Variants in SLC16A10 observed in about 807,000 individuals in gnomAD.
The protein encoded by SLC16A10 is solute carrier family 16 member 10.
In SLC16A10, 27 loss-of-function variants were observed where a neutral mutation model predicts 40.0. That is an observed-to-expected ratio of 0.67 (90% confidence interval 0.50 to 0.93). The LOEUF (loss-of-function observed/expected upper bound fraction) is 0.93. Ranked by LOEUF, SLC16A10 falls within the 40% of genes least tolerant of loss-of-function variation. The probability of loss-of-function intolerance (pLI) is 0.00; values close to 1 mark genes in which losing one functional copy is unlikely to be tolerated. For synonymous variants in SLC16A10, 213 were observed against 249.8 expected (o/e 0.85, Z 1.39); for missense variants, 529 against 658.2 (o/e 0.80, Z 2.15).
At chr6:111,207,471 T>G (rs1030302287) in intron 4 of SLC16A10, among the ~76,000 whole-genome samples, 3 of 152,200 alleles carry the variant, frequency 2.0e-5, no homozygotes, top group Non-Finnish European at 4.4e-5. Flanking sequence ...AGAACAGGTA[T>G]TGAAGTGACT....
chr6:111,090,266 A>T lies in SLC16A10; in HGVS notation c.343+2171A>T, dbSNP rs182462795. On this transcript the variant is annotated intron_variant, in intron 1 of 5. Transcript: ENST00000368851. ...AGGTGTGCTAGTTAAATGTGTGAAG[A>T]TCTTTGTGTTTCTCTGCCTGACTGC... 2.6e-5 allele frequency among the ~76,000 whole-genome samples: 4 copies of T among 152,260 alleles called. No homozygotes were observed. The East Asian group carries it at 5.8e-4, about 22-fold the overall frequency.
intron 1 of SLC16A10, among the ~76,000 whole-genome samples, chr6:111,135,471 G>A (rs559664016): frequency 4.1e-4 from 63 of 152,222 alleles, no homozygotes; most frequent in African/African-American, 1.5e-3. Context: ...TTATCAATGA[G>A]GCCATTGTCC....
chr6:111,209,566 G>T (rs1263523308), intron 4 of SLC16A10, among the ~76,000 whole-genome samples: 3 of 152,170 alleles, frequency 2.0e-5, no homozygotes, highest in Non-Finnish European at 4.4e-5. Context: ...GCCAAGTAGT[G>T]TTTAGAGCTC....
At chr6:111,101,712 T>C (rs1771192050) in intron 1 of SLC16A10, among the ~76,000 whole-genome samples, 1 of 152,204 alleles carries the variant, frequency 6.6e-6, no homozygotes, top group African/African-American at 2.4e-5. Context: ...AACCTCAACC[T>C]CAGGCTGAAG....
intron 5 of SLC16A10, among the ~76,000 whole-genome samples, chr6:111,219,994 C>A (rs1040857341): frequency 3.3e-5 from 5 of 152,060 alleles, no homozygotes; most frequent in African/African-American, 1.2e-4. Context: ...GAGGCGGAGG[C>A]GAGAGGATCT....
At chr6:111,177,109 T>G in intron 2 of SLC16A10, 103 bp from the exon 3 acceptor site, 2 of 738,846 alleles carry the variant, frequency 2.7e-6, no homozygotes, top group Non-Finnish European at 3.8e-6. Flanking sequence ...TTGTAGAAAA[T>G]ATGTTGATGA....
intron 1 of SLC16A10, among the ~76,000 whole-genome samples, chr6:111,140,871 A>G (rs991521267): frequency 6.6e-6 from 1 of 152,116 alleles, no homozygotes; most frequent in African/African-American, 2.4e-5. Flanking sequence ...CTGCAACCTC[A>G]ACTTCCCGGG....
chr6:111,146,668 C>T (rs916362828), intron 1 of SLC16A10, among the ~76,000 whole-genome samples: 8 of 151,718 alleles, frequency 5.3e-5, no homozygotes, highest in Non-Finnish European at 8.8e-5. Context: ...ACCCGGCAGG[C>T]GGGGCTTGCA....
rs1669299265 is a variant in SLC16A10 at position 111,177,669 on chromosome 6, A to G, written c.942+4A>G. Reference sequence around the variant, plus strand: ...CTTTGTGCCTTATGTTCACTTGGTGAGTATGCTCCTTCACTGATCATGAAT... The same window carrying G: ...CTTTGTGCCTTATGTTCACTTGGTGGGTATGCTCCTTCACTGATCATGAAT... On this transcript the variant is annotated splice_donor_region_variant and intron_variant, in intron 3 of 5. Transcript: ENST00000368851. 1 of 1,531,528 alleles carries G rather than the reference A, an allele frequency of 6.5e-7. No homozygotes were observed. The highest frequency in any genetic ancestry group is 2.1e-5 in the Admixed American group (1 of 46,866). The allele number at this position is 1,531,528 out of a possible 1,614,324, so 94.9% of individuals were successfully genotyped here. A position where few individuals can be genotyped will look rare whatever the true frequency, so the allele number is the denominator to read the frequency against.
intron 1 of SLC16A10, among the ~76,000 whole-genome samples, chr6:111,088,976 G>T (rs1002815711): frequency 6.6e-6 from 1 of 152,236 alleles, no homozygotes; most frequent in African/African-American, 2.4e-5. Context: ...GTAGCTCAGT[G>T]AAAGTGTCTT....
intron 1 of SLC16A10, among the ~76,000 whole-genome samples, chr6:111,142,337 A>G (rs888130834): frequency 2.6e-5 from 4 of 152,246 alleles, no homozygotes; most frequent in Admixed American, 1.3e-4. Context: ...ATCTAGACAC[A>G]GACCTTACAC....
chr6:111,138,029 T>G (rs1159064208), intron 1 of SLC16A10, among the ~76,000 whole-genome samples: 1 of 152,218 alleles, frequency 6.6e-6, no homozygotes, highest in African/African-American at 2.4e-5. Flanking sequence ...ACCCTCCCTT[T>G]GTATGGGAGC....
At chr6:111,187,992 G>A (rs1006428023) in intron 3 of SLC16A10, among the ~76,000 whole-genome samples, 1 of 152,156 alleles carries the variant, frequency 6.6e-6, no homozygotes, top group Non-Finnish European at 1.5e-5. Flanking sequence ...TTGTTGGTTG[G>A]TTGTGTTTAT....
intron 3 of SLC16A10, among the ~76,000 whole-genome samples, chr6:111,198,511 A>T (rs1020334627): frequency 6.6e-6 from 1 of 152,182 alleles, no homozygotes; most frequent in African/African-American, 2.4e-5. Context: ...GTCACTACAT[A>T]CCTAGGCTAT....
chr6:111,140,217 C>T (rs547984659), intron 1 of SLC16A10, among the ~76,000 whole-genome samples: 1 of 152,296 alleles, frequency 6.6e-6, no homozygotes, highest in East Asian at 1.9e-4. Context: ...AATCCCAGCA[C>T]TTTGGGAGGG....
At chr6:111,196,977 A>G (rs1773089955) in intron 3 of SLC16A10, among the ~76,000 whole-genome samples, 1 of 152,172 alleles carries the variant, frequency 6.6e-6, no homozygotes. Context: ...CCACACCAGA[A>G]CTCTGAAATA....
At position 111,101,158 on chromosome 6, in the gene SLC16A10, G is replaced by A. The variant is rs545911585; in HGVS notation, c.343+13063G>A. ...TGATCCTCCCACCTCAACCTCCCAA[G>A]TAGTTAGGACTACAGGGGCATGCCG... On this transcript the variant is annotated intron_variant, in intron 1 of 5. Transcript: ENST00000368851. 3.8e-4 allele frequency among the ~76,000 whole-genome samples: 57 copies of A among 151,598 alleles called. 1 individual carries two copies. The South Asian group carries it at 0.012, about 31-fold the overall frequency.
chr6:111,089,908 GTTTTTTTTTTTTTTTTTTTTTTTT>G (rs541758500), intron 1 of SLC16A10, among the ~76,000 whole-genome samples: 3 of 52,296 alleles, frequency 5.7e-5, no homozygotes, highest in Admixed American at 2.6e-4. Flanking sequence ...CTGTGGGTGG[GTTTTTTTTTTTTTTTTTTTTTTTT>G]TTTTTTTTTT....
chr6:111,101,854 C>CA (rs1305208719), intron 1 of SLC16A10, among the ~76,000 whole-genome samples: 4 of 152,194 alleles, frequency 2.6e-5, no homozygotes, highest in Admixed American at 1.3e-4. Flanking sequence ...CTCCTGGTCT[C>CA]AAGTGATCCG....
Sources: allele counts gnomAD v4.1 joint callset (sites outside exome capture counted in the v4.1 genomes callset), GRCh38; gene constraint gnomAD v4.1.1; transcripts MANE v1.5; gene names NCBI Gene and HGNC (gene_info 2026-07-23, HGNC 2026-07-21).